FER: variants seen among roughly 807,000 people sequenced by gnomAD.
FER encodes tyrosine-protein kinase Fer.
A neutral mutation model predicts 111.0 loss-of-function variants in FER; 63 were observed. That is an observed-to-expected ratio of 0.57 (90% CI 0.46 to 0.70). The LOEUF (loss-of-function observed/expected upper bound fraction) is 0.70, where lower values mean the gene tolerates loss of function less well. FER is among the 30% of genes least tolerant of loss of function. The pLI, the probability that FER is intolerant of heterozygous loss-of-function variation, is 0.00. For synonymous variants in FER, 327 were observed against 313.9 expected (o/e 1.04, Z -0.44); for missense variants, 914 against 954.0 (o/e 0.96, Z 0.55).
intron 10 of FER, among the ~76,000 whole-genome samples, chr5:108,902,822 G>A (rs1750227786): frequency 6.6e-6 from 1 of 151,984 alleles, no homozygotes; most frequent in African/African-American, 2.4e-5. Flanking sequence ...CAAATTAGGA[G>A]GGTGAACTCT....
rs373517617 is a variant in FER at position 108,927,417 on chromosome 5, C to T, written c.1237-18713C>T. ...CTGGGACTACAGGCGCCCGCCACCGCGCCCGGCTAATTTTTTGTATTTTTA... is the reference window on the plus strand; with the variant it reads ...CTGGGACTACAGGCGCCCGCCACCGTGCCCGGCTAATTTTTTGTATTTTTA... On this transcript the variant is annotated intron_variant, in intron 10 of 19. Transcript: ENST00000281092. Among the ~76,000 whole-genome samples, 45 of 151,952 alleles carry T rather than the reference C, an allele frequency of 3.0e-4. 1 individual carries two copies. The South Asian group carries it at 8.1e-3, about 27-fold the overall frequency.
intron 10 of FER, among the ~76,000 whole-genome samples, chr5:108,912,151 G>A (rs947160035): frequency 1.3e-5 from 2 of 152,110 alleles, no homozygotes; most frequent in African/African-American, 2.4e-5. Context: ...TGTGAGTAAA[G>A]CCTCTTTTTC....
At chr5:108,809,129 T>G (rs1757489884) in intron 3 of FER, among the ~76,000 whole-genome samples, 1 of 152,236 alleles carries the variant, frequency 6.6e-6, no homozygotes, top group African/African-American at 2.4e-5. Flanking sequence ...TATGTGGATA[T>G]CTACCTCTCC....
rs1173210185 is a variant in FER at position 109,195,924 on chromosome 5, C to T, written c.*8349C>T. On this transcript the variant is annotated 3_prime_UTR_variant, in exon 20 of 20. Transcript: ENST00000281092. The stretch of plus-strand genomic sequence containing the variant: ...TTGGTGGTGGTGCAAATTCTGCTGG[C>T]TTTATGTTATGGTTTTCTTCGTGTT... The T allele has an allele frequency of 6.6e-6, 1 of 152,228 alleles. No individual in the cohort carries two copies. The highest frequency in any genetic ancestry group is 2.4e-5 in the African/African-American group (1 of 41,438). The allele number at this position is 152,228 out of a possible 1,614,324, so 9.4% of individuals were successfully genotyped here.
chr5:108,975,182 C>T (rs181608111), intron 13 of FER, among the ~76,000 whole-genome samples: 76 of 152,234 alleles, frequency 5.0e-4, no homozygotes, highest in African/African-American at 1.6e-3. Context: ...TGTTCTCACT[C>T]ATAAGTGGGA....
chr5:108,827,913 C>T (rs905885282), intron 3 of FER, among the ~76,000 whole-genome samples: 1 of 150,054 alleles, frequency 6.7e-6, no homozygotes, highest in Non-Finnish European at 1.5e-5. Flanking sequence ...ACTGTAACCT[C>T]AAACTCCTGG....
chr5:109,055,550 G>T (rs971047005), intron 16 of FER, among the ~76,000 whole-genome samples: 2 of 152,084 alleles, frequency 1.3e-5, no homozygotes, highest in African/African-American at 2.4e-5. Flanking sequence ...ACTTTGGGAG[G>T]CTGAGGCAGG....
At chr5:108,825,738 G>A (rs1759395531) in intron 3 of FER, among the ~76,000 whole-genome samples, 1 of 152,170 alleles carries the variant, frequency 6.6e-6, no homozygotes, top group African/African-American at 2.4e-5. Flanking sequence ...AGTAAAGACA[G>A]GCATAAGAAA....
chr5:109,093,874 G>A (rs961507867), intron 16 of FER, among the ~76,000 whole-genome samples: 30 of 152,078 alleles, frequency 2.0e-4, no homozygotes, highest in African/African-American at 7.0e-4. Flanking sequence ...GTATCCTGGG[G>A]GGTTTCGAGC....
intron 9 of FER, among the ~76,000 whole-genome samples, chr5:108,889,305 A>T (rs992964263): frequency 4.5e-4 from 68 of 151,924 alleles, no homozygotes; most frequent in African/African-American, 1.5e-3. Context: ...GTCCGAAGCA[A>T]CCTACGTGTC....
chr5:109,142,438 A>T (rs1189412250), intron 17 of FER, among the ~76,000 whole-genome samples: 2 of 152,164 alleles, frequency 1.3e-5, no homozygotes, highest in African/African-American at 4.8e-5. Context: ...GGCAGGCTCC[A>T]TCTGGAAAAT....
intron 9 of FER, among the ~76,000 whole-genome samples, chr5:108,885,784 A>G (rs73781907): frequency 6.6e-6 from 1 of 151,976 alleles, no homozygotes; most frequent in African/African-American, 2.4e-5. Context: ...CCATTGCAAC[A>G]TTAAATGGGA....
intron 13 of FER, among the ~76,000 whole-genome samples, chr5:108,981,149 GTTTT>G (rs565330528): frequency 6.7e-6 from 1 of 148,508 alleles, no homozygotes; most frequent in Admixed American, 6.7e-5. Context: ...AATCGCTGAA[GTTTT>G]TTTTTTAGTT....
intron 17 of FER, among the ~76,000 whole-genome samples, chr5:109,163,156 T>G (rs895919622): frequency 2.6e-5 from 4 of 152,184 alleles, no homozygotes; most frequent in Non-Finnish European, 5.9e-5. Flanking sequence ...CAGTATGTTT[T>G]GTTCTAGCTT....
intron 10 of FER, among the ~76,000 whole-genome samples, chr5:108,930,094 A>G (rs998827848): frequency 1.3e-5 from 2 of 152,086 alleles, no homozygotes; most frequent in African/African-American, 2.4e-5. Context: ...GAATCTATGT[A>G]TGATTCTTAA....
At chr5:109,130,909 C>G (rs1475322779) in intron 17 of FER, among the ~76,000 whole-genome samples, 1 of 152,110 alleles carries the variant, frequency 6.6e-6, no homozygotes, top group Non-Finnish European at 1.5e-5. Context: ...TTTGCTTCCC[C>G]AAACAAGTTT....
At chr5:109,022,886 C>T (rs1768118021) in intron 13 of FER, among the ~76,000 whole-genome samples, 1 of 152,098 alleles carries the variant, frequency 6.6e-6, no homozygotes. Flanking sequence ...GGATAGAGAT[C>T]TGCAGGGACT....
At chr5:108,780,383 T>G (rs200226894) in intron 2 of FER, among the ~76,000 whole-genome samples, 3,357 of 57,328 alleles carry the variant, frequency 0.059, 111 homozygotes, top group African/African-American at 0.31. Flanking sequence ...GTTAGTGGGT[T>G]TTTTTTTTTT....
At chr5:108,845,657 T>C (rs904977563) in intron 5 of FER, among the ~76,000 whole-genome samples, 6 of 152,166 alleles carry the variant, frequency 3.9e-5, no homozygotes, top group Non-Finnish European at 8.8e-5. Flanking sequence ...CAGTATGATA[T>C]TGAATAGAAG....
Sources: gnomAD v4.1 joint callset for allele counts (sites outside exome capture counted in the v4.1 genomes callset) on GRCh38, gnomAD v4.1.1 for gene constraint, MANE v1.5 for transcripts, NCBI Gene and HGNC (gene_info 2026-07-23, HGNC 2026-07-21) for gene names.